The following OR14I1 variants were observed in gnomAD, a reference collection of about 807,000 sequenced individuals.
OR14I1 encodes the protein olfactory receptor 14I1.
For missense variants in OR14I1, 279 were observed against 181.8 expected (o/e 1.53, Z -3.07); for synonymous variants, 118 against 71.1 (o/e 1.66, Z -3.32).
At chr1:248,695,696 G>C in the OR14I1 span, among the ~76,000 whole-genome samples, 14 of 152,204 alleles carry the variant, frequency 9.2e-5, no homozygotes, top group East Asian at 2.7e-3. Context: ...GCAGCACCCA[G>C]CTCCCAGGCC....
At chr1:248,687,352 C>T in the OR14I1 span, among the ~76,000 whole-genome samples, 1 of 152,200 alleles carries the variant, frequency 6.6e-6, no homozygotes, top group Non-Finnish European at 1.5e-5. Flanking sequence ...TTTGCAGTTA[C>T]AGCAGCCTGT....
chr1:248,682,135 A>C (rs934030227), exon 1 of OR14I1: 2 of 781,088 alleles, frequency 2.6e-6, no homozygotes, highest in Non-Finnish European at 4.8e-6. Flanking sequence ...GAAGAAGTAC[A>C]TGGGTGTGTG....
the OR14I1 span, among the ~76,000 whole-genome samples, chr1:248,696,546 T>C: frequency 3.3e-5 from 5 of 152,200 alleles, no homozygotes; most frequent in African/African-American, 9.7e-5. Flanking sequence ...CTAAGGCTCT[T>C]TCTTGTTAGG....
the OR14I1 span, among the ~76,000 whole-genome samples, chr1:248,695,025 A>G: frequency 6.6e-6 from 1 of 152,166 alleles, no homozygotes; most frequent in Non-Finnish European, 1.5e-5. Flanking sequence ...AAATAGATAC[A>G]TTGGACAGAG....
At chr1:248,701,354 A>G in the OR14I1 span, among the ~76,000 whole-genome samples, 1 of 149,636 alleles carries the variant, frequency 6.7e-6, no homozygotes, top group Non-Finnish European at 1.5e-5. Flanking sequence ...GGGTTTCACC[A>G]TGTTGGCCAT....
the OR14I1 span, among the ~76,000 whole-genome samples, chr1:248,701,831 T>C: frequency 2.4e-4 from 36 of 152,164 alleles, no homozygotes; most frequent in Admixed American, 2.4e-3. Flanking sequence ...AAAGACCCTG[T>C]GTTAGTCTGT....
upstream of OR14I1, among the ~76,000 whole-genome samples, chr1:248,686,605 A>T (rs145155672): frequency 2.0e-3 from 235 of 119,800 alleles, 24 homozygotes; most frequent in African/African-American, 6.6e-3. Flanking sequence ...GGAAAAAAAT[A>T]TGAAACATAA....
chr1:248,680,800 GA>G (rs1438430764), downstream of OR14I1, among the ~76,000 whole-genome samples: 3 of 152,132 alleles, frequency 2.0e-5, no homozygotes, highest in African/African-American at 7.2e-5. Flanking sequence ...TGCATTGATG[GA>G]AATTGTGTTA....
At chr1:248,682,156 T>C (rs1352619362) in exon 1 of OR14I1, 19 of 780,838 alleles carry the variant, frequency 2.4e-5, no homozygotes, top group Non-Finnish European at 4.1e-5. Flanking sequence ...AAGATGCTGA[T>C]CGAGAGTGAT....
At chr1:248,681,278 A>C, downstream of OR14I1, 2 of 567,974 alleles carry the variant, frequency 3.5e-6, no homozygotes, top group South Asian at 2.6e-5. Flanking sequence ...TCATCATTTC[A>C]TCAACAATTT....
chr1:248,679,421 TG>T (rs1315489481), downstream of OR14I1, among the ~76,000 whole-genome samples: 1 of 151,586 alleles, frequency 6.6e-6, no homozygotes, highest in African/African-American at 2.4e-5. Context: ...TATATTAGTA[TG>T]TTTAGTACTA....
chr1:248,702,440 CCCTCTTTTCTCACATTCCA>C, the OR14I1 span, among the ~76,000 whole-genome samples: 1 of 152,158 alleles, frequency 6.6e-6, no homozygotes, highest in South Asian at 2.1e-4. Flanking sequence ...TATTTATTGT[CCCTCTTTTCTCACATTCCA>C]CATCAAGCCC....
the OR14I1 span, chr1:248,691,819 C>T: frequency 0.01 from 1,533 of 152,624 alleles, 26 homozygotes; most frequent in Middle Eastern, 0.041. Flanking sequence ...CAAGCCACCC[C>T]GCCCACCTCA....
the OR14I1 span, among the ~76,000 whole-genome samples, chr1:248,689,024 T>C: frequency 1.3e-5 from 2 of 152,146 alleles, no homozygotes; most frequent in Non-Finnish European, 2.9e-5. Flanking sequence ...GGTATAGAAA[T>C]GAAAAATTTC....
At chr1:248,693,689 T>C in the OR14I1 span, among the ~76,000 whole-genome samples, 3 of 151,904 alleles carry the variant, frequency 2.0e-5, no homozygotes, top group Non-Finnish European at 4.4e-5. Flanking sequence ...TCTTCTCCTT[T>C]CCCCATCCTC....
chr1:248,684,039 G>GA (rs200822312), upstream of OR14I1, among the ~76,000 whole-genome samples: 17,835 of 59,720 alleles, frequency 0.3, 1,087 homozygotes, highest in East Asian at 0.52. Flanking sequence ...TCTCAAAAAG[G>GA]AAAAACAAAA....
the OR14I1 span, among the ~76,000 whole-genome samples, chr1:248,689,374 A>G: frequency 6.6e-6 from 1 of 152,206 alleles, no homozygotes; most frequent in South Asian, 2.1e-4. Flanking sequence ...GCTGTCTTCC[A>G]GGAACCTTAC....
chr1:248,696,144 G>A, the OR14I1 span, among the ~76,000 whole-genome samples: 5 of 152,294 alleles, frequency 3.3e-5, no homozygotes, highest in East Asian at 9.6e-4. Context: ...TGGGGAAAGG[G>A]CATACAGGAT....
the OR14I1 span, among the ~76,000 whole-genome samples, chr1:248,701,633 G>A: frequency 7.2e-5 from 11 of 152,180 alleles, no homozygotes; most frequent in East Asian, 1.9e-3. Context: ...CAGAGTTAGT[G>A]AAATTACTTA....
Sources: gnomAD v4.1 joint callset for allele counts (sites outside exome capture counted in the v4.1 genomes callset) on GRCh38, gnomAD v4.1.1 for gene constraint, MANE v1.5 for transcripts, NCBI Gene and HGNC (gene_info 2026-07-23, HGNC 2026-07-21) for gene names.